Variants in MACROD2 observed in about 807,000 individuals in gnomAD.
The protein encoded by MACROD2 is mono-ADP ribosylhydrolase 2.
In MACROD2, 36 loss-of-function variants were observed where a neutral mutation model predicts 70.4. The ratio of observed to expected loss-of-function variants is 0.51; its 90% confidence interval spans 0.39 to 0.68. The LOEUF is 0.68. MACROD2 is among the 30% of genes least tolerant of loss of function. The pLI, the probability that MACROD2 is intolerant of heterozygous loss-of-function variation, is 0.00. For synonymous variants in MACROD2, 172 were observed against 178.8 expected (o/e 0.96, Z 0.30); for missense variants, 496 against 538.4 (o/e 0.92, Z 0.78).
intron 3 of MACROD2, among the ~76,000 whole-genome samples, chr20:14,143,349 A>T (rs1054002284): frequency 6.6e-6 from 1 of 152,186 alleles, no homozygotes; most frequent in Admixed American, 6.6e-5. Context: ...GTCTTTAAGC[A>T]AACAGTGTTT....
intron 10 of MACROD2, among the ~76,000 whole-genome samples, chr20:15,916,457 C>T (rs977053901): frequency 1.3e-5 from 2 of 152,182 alleles, no homozygotes; most frequent in African/African-American, 4.8e-5. Context: ...TGCATACACG[C>T]AAGAGGAGGA....
chr20:14,662,089 G>T (rs1477632295), intron 4 of MACROD2, among the ~76,000 whole-genome samples: 1 of 152,022 alleles, frequency 6.6e-6, no homozygotes, highest in East Asian at 1.9e-4. Flanking sequence ...AAAGGACATT[G>T]CTGGGACAAT....
At chr20:14,193,410 T>C (rs370394092) in intron 3 of MACROD2, among the ~76,000 whole-genome samples, 10 of 152,150 alleles carry the variant, frequency 6.6e-5, no homozygotes, top group East Asian at 3.8e-4. Flanking sequence ...CTATGGGTAT[T>C]ATATTATCAG....
rs116981213 is a variant in MACROD2, at chr20:15,319,256, A to G, written c.540+89195A>G. Among the ~76,000 whole-genome samples, 1,415 of 152,326 alleles carry G rather than the reference A, an allele frequency of 9.3e-3. 6 individuals carry two copies. The highest frequency in any genetic ancestry group is 0.017 in the Middle Eastern group (5 of 294). ...ATATGCAGGAATAAATTTAAATAAT[A>G]AATGAATTGTACACTTAAAACAATA... On this transcript the variant is annotated intron_variant, in intron 6 of 17. Coordinates refer to ENST00000684519, the MANE Select transcript of MACROD2 (RefSeq NM_001351661.2).
chr20:15,177,761 T>G (rs1176714724), intron 5 of MACROD2, among the ~76,000 whole-genome samples: 1 of 152,196 alleles, frequency 6.6e-6, no homozygotes, highest in Non-Finnish European at 1.5e-5. Context: ...TCCCTCCTCT[T>G]GCTTGGTTCT....
At chr20:15,572,244 G>T (rs780090946) in intron 8 of MACROD2, among the ~76,000 whole-genome samples, 2 of 152,024 alleles carry the variant, frequency 1.3e-5, no homozygotes, top group Non-Finnish European at 2.9e-5. Flanking sequence ...CACTTGCCAA[G>T]CCCTCATATG....
Position 15,944,284 on chromosome 20 carries a change from C to CA in MACROD2, c.907+6748dup, listed in dbSNP as rs1204153379. 4.6e-5 allele frequency among the ~76,000 whole-genome samples: 7 copies of CA among 151,424 alleles called. No individual in the cohort carries two copies. The South Asian group carries it at 6.2e-4, about 14-fold the overall frequency. On this transcript the variant is annotated intron_variant, in intron 12 of 17. Coordinates refer to ENST00000684519, the MANE Select transcript of MACROD2 (RefSeq NM_001351661.2). Reference sequence around the variant, plus strand: ...TTAAAAGTAATGTGTGTTTATTACACAAAAAAAATAAGCAAAAGAAGGAAG... The same window carrying CA: ...TTAAAAGTAATGTGTGTTTATTACACAAAAAAAAATAAGCAAAAGAAGGAAG...
chr20:14,687,311 G>A (rs899609175), intron 5 of MACROD2, among the ~76,000 whole-genome samples: 5 of 152,142 alleles, frequency 3.3e-5, no homozygotes, highest in East Asian at 1.9e-4. Context: ...CATTAAATAC[G>A]CCCAAATAAA....
At chr20:15,144,692 G>A (rs444709) in intron 5 of MACROD2, among the ~76,000 whole-genome samples, 89,640 of 151,932 alleles carry the variant, frequency 0.59, 26,563 homozygotes, top group East Asian at 0.65. Flanking sequence ...TGAGATGGTG[G>A]TAAAATAAGC....
At chr20:14,347,876 G>A (rs745429572) in intron 3 of MACROD2, among the ~76,000 whole-genome samples, 39 of 152,206 alleles carry the variant, frequency 2.6e-4, no homozygotes, top group Non-Finnish European at 5.0e-4. Flanking sequence ...AGCTTTCAGG[G>A]GTTTCTGGTG....
At chr20:14,994,399 T>C (rs188994922) in intron 5 of MACROD2, among the ~76,000 whole-genome samples, 7 of 151,690 alleles carry the variant, frequency 4.6e-5, no homozygotes, top group Non-Finnish European at 7.4e-5. Flanking sequence ...TCTTGATCTC[T>C]CTTCCCACCA....
At chr20:15,041,263 TG>T (rs1228320944) in intron 5 of MACROD2, among the ~76,000 whole-genome samples, 6 of 152,192 alleles carry the variant, frequency 3.9e-5, no homozygotes, top group African/African-American at 7.2e-5. Context: ...TCCCAGTCAT[TG>T]GAAGGGGACA....
intron 4 of MACROD2, among the ~76,000 whole-genome samples, chr20:14,501,074 T>G (rs189962827): frequency 1.3e-3 from 205 of 152,154 alleles, no homozygotes; most frequent in Middle Eastern, 3.4e-3. Context: ...AGAAATGCTT[T>G]TAACAGGCAA....
intron 5 of MACROD2, among the ~76,000 whole-genome samples, chr20:14,824,721 C>T (rs2072883228): frequency 2.0e-5 from 3 of 152,022 alleles, no homozygotes; most frequent in South Asian, 2.1e-4. Flanking sequence ...GTTAATGTCT[C>T]ATTAGCCAAA....
chr20:14,413,575 A>G (rs895369825), intron 3 of MACROD2, among the ~76,000 whole-genome samples: 1 of 152,204 alleles, frequency 6.6e-6, no homozygotes, highest in Non-Finnish European at 1.5e-5. Flanking sequence ...TAAGTGTATT[A>G]TGCTTGTGGC....
intron 5 of MACROD2, among the ~76,000 whole-genome samples, chr20:14,980,996 G>A (rs2423897): frequency 0.022 from 3,373 of 151,746 alleles, 68 homozygotes; most frequent in Admixed American, 0.047. Flanking sequence ...CCAGAGTGCA[G>A]CCAGAAGGAT....
rs144924760 is a variant in MACROD2 at position 14,960,503 on chromosome 20, G to A, written c.419-269437G>A. On this transcript the variant is annotated intron_variant, in intron 5 of 17. Coordinates refer to ENST00000684519, the MANE Select transcript of MACROD2 (RefSeq NM_001351661.2). ...TCTGTGCTATAGACAATAATGAAAAGAGGGTTTTCGTATGTTTTTTCTTTT... is the reference window on the plus strand; with the variant it reads ...TCTGTGCTATAGACAATAATGAAAAAAGGGTTTTCGTATGTTTTTTCTTTT... 9.7e-4 allele frequency among the ~76,000 whole-genome samples: 147 copies of A among 152,318 alleles called. 1 individual carries two copies. The highest frequency in any genetic ancestry group is 1.4e-3 in the Non-Finnish European group (93 of 68,028).
At chr20:15,907,755 G>A (rs566574008) in intron 10 of MACROD2, among the ~76,000 whole-genome samples, 1 of 152,256 alleles carries the variant, frequency 6.6e-6, no homozygotes, top group South Asian at 2.1e-4. Flanking sequence ...CATCATAACT[G>A]CCATCTGTTC....
chr20:14,441,885 A>T (rs1433230899), intron 3 of MACROD2, among the ~76,000 whole-genome samples: 2 of 151,588 alleles, frequency 1.3e-5, no homozygotes, highest in African/African-American at 4.9e-5. Flanking sequence ...TTTACGAAGA[A>T]ATGACTTCTA....
Sources: allele counts gnomAD v4.1 joint callset (sites outside exome capture counted in the v4.1 genomes callset), GRCh38; gene constraint gnomAD v4.1.1; transcripts MANE v1.5; gene names NCBI Gene and HGNC (gene_info 2026-07-23, HGNC 2026-07-21).